MMEL1: variants seen among roughly 807,000 people sequenced by gnomAD.
MMEL1 encodes membrane metallo-endopeptidase-like 1.
In MMEL1, 98 loss-of-function variants were observed where a neutral mutation model predicts 117.1. The observed-to-expected ratio is 0.84, with a 90% CI of 0.71 to 0.99. The LOEUF (loss-of-function observed/expected upper bound fraction) is 0.99. Among genes scored for constraint, MMEL1 ranks in the 50% least tolerant of loss-of-function variants. The pLI, the probability that MMEL1 is intolerant of heterozygous loss-of-function variation, is 0.00. For synonymous variants in MMEL1, 390 were observed against 415.1 expected (o/e 0.94, Z 0.74); for missense variants, 1,014 against 1,049.1 (o/e 0.97, Z 0.46).
At chr1:2,624,107 GA>G (rs1645332735) in intron 2 of MMEL1, among the ~76,000 whole-genome samples, 1 of 152,196 alleles carries the variant, frequency 6.6e-6, no homozygotes. Flanking sequence ...GCCTAAGCCT[GA>G]GACTGGGCCA....
Position 2,607,141 on chromosome 1 carries a change from G to A in MMEL1, c.536-72C>T, listed in dbSNP as rs990375408. 2.9e-6 allele frequency: 4 copies of A among 1,396,690 alleles called. No homozygotes were observed. The Admixed American group carries it at 5.2e-5, about 18-fold the overall frequency. The allele number at this position is 1,396,690 out of a possible 1,614,324, so 86.5% of individuals were successfully genotyped here. On this transcript the variant is annotated intron_variant, in intron 6 of 23. Coordinates refer to ENST00000378412, the MANE Select transcript of MMEL1 (RefSeq NM_033467.4). The stretch of plus-strand genomic sequence containing the variant: ...CGTGCCACGACACAGAACTGTGGGG[G>A]CGCCGTTGGCCGGCGTCACAGGTCC...
At position 2,598,508 on chromosome 1, in the gene MMEL1, C is replaced by T. The variant is rs201748633; in HGVS notation, c.1178+146G>A. 4.5e-6 allele frequency: 6 copies of T among 1,340,132 alleles called. No individual in the cohort carries two copies. The East Asian group carries it at 7.3e-5, about 16-fold the overall frequency. The allele number at this position is 1,340,132 out of a possible 1,614,324, so 83.0% of individuals were successfully genotyped here. ...CATTTTTAATGTAAGACTCCACTGG[C>T]CACTAAAGCTTAACCCCTCATGTCC... On this transcript the variant is annotated intron_variant, in intron 12 of 23. Coordinates refer to ENST00000378412, the MANE Select transcript of MMEL1 (RefSeq NM_033467.4).
chr1:2,630,623 G>A (rs761600190), intron 1 of MMEL1, among the ~76,000 whole-genome samples: 1 of 150,990 alleles, frequency 6.6e-6, no homozygotes, highest in Non-Finnish European at 1.5e-5. Flanking sequence ...GTGACTGCAC[G>A]TGTGTGCCTG....
intron 21 of MMEL1, 151 bp from the exon 22 acceptor site, chr1:2,592,178 C>T (rs978252195): frequency 9.8e-5 from 64 of 650,422 alleles, no homozygotes; most frequent in Middle Eastern, 4.2e-4. Context: ...CACGGATGAG[C>T]GCTCACCACC....
rs1645281964 is a variant in MMEL1 at position 2,621,034 on chromosome 1, C to G, written c.154+8297G>C. Among the ~76,000 whole-genome samples, 2 of 152,158 alleles carry G rather than the reference C, an allele frequency of 1.3e-5. 1 individual carries two copies. The highest frequency in any genetic ancestry group is 4.1e-4 in the South Asian group (2 of 4,832). ...GCGTGATGGCTCACACCTATAATCC[C>G]AGCACTTTGGGAGGCTGAGGCAGGA... is the stretch of plus-strand genomic sequence containing the variant. On this transcript the variant is annotated intron_variant, in intron 2 of 23. Coordinates refer to ENST00000378412, the MANE Select transcript of MMEL1 (RefSeq NM_033467.4).
intron 12 of MMEL1, 79 bp downstream of exon 12, chr1:2,598,575 G>C: frequency 6.3e-7 from 1 of 1,590,454 alleles, no homozygotes. Flanking sequence ...CCCCTCCTGG[G>C]AGCAGAAGCT....
chr1:2,598,890 G>T, intron 11 of MMEL1, 100 bp from the exon 12 acceptor site: 2 of 973,802 alleles, frequency 2.1e-6, no homozygotes, highest in Non-Finnish European at 2.9e-6. Context: ...AATGTTCAAG[G>T]AATAAGAGAG....
chr1:2,610,458 T>C (rs1645107364), intron 4 of MMEL1, among the ~76,000 whole-genome samples: 1 of 152,176 alleles, frequency 6.6e-6, no homozygotes, highest in Non-Finnish European at 1.5e-5. Context: ...TGGTGCCAGC[T>C]CACAGGAGGT....
chr1:2,602,608 T>C (rs1347493094), intron 11 of MMEL1, among the ~76,000 whole-genome samples: 1 of 152,202 alleles, frequency 6.6e-6, no homozygotes, highest in Non-Finnish European at 1.5e-5. Flanking sequence ...TCACTCACTC[T>C]TACTTGTGAA....
At chr1:2,592,789 G>C in intron 20 of MMEL1, 44 bp downstream of exon 20, 1 of 1,611,908 alleles carries the variant, frequency 6.2e-7, no homozygotes, top group Non-Finnish European at 8.5e-7. Flanking sequence ...CCAGGGCTGG[G>C]GCTCCGGTAC....
At chr1:2,611,441 G>GA in intron 3 of MMEL1, 101 bp from the exon 4 acceptor site, 1 of 307,500 alleles carries the variant, frequency 3.3e-6, no homozygotes, top group Non-Finnish European at 6.1e-6. Context: ...GTGGCATGGG[G>GA]ATGGGCATAG....
chr1:2,623,746 G>C (rs763117409), intron 2 of MMEL1, among the ~76,000 whole-genome samples: 15 of 152,224 alleles, frequency 9.9e-5, no homozygotes, highest in Non-Finnish European at 1.8e-4. Context: ...AGGCTGGAGA[G>C]AGCCTCCCTT....
chr1:2,604,766 G>A (rs1198395958), intron 9 of MMEL1, among the ~76,000 whole-genome samples: 11 of 152,162 alleles, frequency 7.2e-5, no homozygotes, highest in African/African-American at 2.4e-4. Flanking sequence ...TCCTCGCGCT[G>A]GGCAGGGCTT....
At position 2,591,106 on chromosome 1, in the gene MMEL1, G is replaced by T; in HGVS notation, c.2241-17C>A. The T allele has an allele frequency of 1.3e-6, 2 of 1,534,134 alleles. No individual in the cohort carries two copies. The highest frequency in any genetic ancestry group is 1.8e-6 in the Non-Finnish European group (2 of 1,137,118). On this transcript the variant is annotated splice_polypyrimidine_tract_variant and intron_variant, in intron 23 of 23. Transcript: ENST00000378412. ...CCCAGTACCCTGTGGGTGGGTGGGT[G>T]TGACAGCAGGAGCATTGCCATCTTG...
In MMEL1 at chr1:2,595,434, G is replaced by A; in HGVS notation, c.1501-75C>T. On this transcript the variant is annotated intron_variant, in intron 15 of 23. Coordinates refer to ENST00000378412, the MANE Select transcript of MMEL1 (RefSeq NM_033467.4). This position sits in a 1 kb window ranked among gnomAD's most constrained non-coding sequence, Gnocchi z 4.8. ...TCAGCCCGGGGGCCGGTCAGTGAGT[G>A]CCACACTGTGGGAGGGGTCAGCCCG... 1 of 1,317,214 alleles carries A rather than the reference G, an allele frequency of 7.6e-7. No homozygotes were observed. Among genetic ancestry groups the A allele is most frequent in the Non-Finnish European group, 1.1e-6 (1 of 914,394 alleles). The allele number at this position is 1,317,214 out of a possible 1,614,324, so 81.6% of individuals were successfully genotyped here. A position where few individuals can be genotyped will look rare whatever the true frequency, so the allele number is the denominator to read the frequency against.
rs945841864 is a variant in MMEL1, at chr1:2,612,055, C to T, written c.232+72G>A. ...GCAGAACCCAGCCCCTGCCCCTCCA[C>T]GGAGTCCCCCCACCTTGGGAGGCCA... On this transcript the variant is annotated intron_variant, in intron 3 of 23. Coordinates refer to ENST00000378412, the MANE Select transcript of MMEL1 (RefSeq NM_033467.4). This position sits in a 1 kb window ranked among gnomAD's most constrained non-coding sequence, Gnocchi z 5.4. 1.1e-5 allele frequency: 14 copies of T among 1,329,440 alleles called. No homozygotes were observed. Among genetic ancestry groups the T allele is most frequent in the Middle Eastern group, 1.8e-4 (1 of 5,616 alleles). 82.4% of individuals were successfully genotyped at this position (1,329,440 alleles called of 1,614,324 possible). A position where few individuals can be genotyped will look rare whatever the true frequency, so the allele number is the denominator to read the frequency against.
At chr1:2,602,285 G>A (rs1386588292) in intron 11 of MMEL1, among the ~76,000 whole-genome samples, 2 of 138,824 alleles carry the variant, frequency 1.4e-5, no homozygotes, top group Non-Finnish European at 3.1e-5. Context: ...TGATCTGAGG[G>A]GTGATTGTGT....
chr1:2,609,907 G>A (rs539911984), intron 4 of MMEL1, 76 bp from the exon 5 acceptor site: 259 of 1,482,928 alleles, frequency 1.7e-4, no homozygotes, highest in South Asian at 5.2e-4. Flanking sequence ...CCTGTCTCCC[G>A]GTCCAAGACA....
rs760348798 is a variant in MMEL1 at position 2,596,612 on chromosome 1, G to A, written c.1350C>T (p.Ala450=). 6.8e-6 allele frequency: 11 copies of A among 1,612,906 alleles called. No individual in the cohort carries two copies. Among genetic ancestry groups the A allele is most frequent in the Middle Eastern group, 1.6e-4 (1 of 6,080 alleles). The change falls in exon 14 of 24, where the codon GCC becomes GCT. Residue 450 remains alanine (A), a synonymous_variant. Coordinates refer to ENST00000378412, the MANE Select transcript of MMEL1 (RefSeq NM_033467.4). The part of the protein sequence containing the change: ...VGYVNSNMEN[A]VGSLYVREAF... ...CCTCCCTGACGTAGAGGGAGCCCAC[G>A]GCGTTCTCCATGTTGCTGTTGACGT...
Sources: gnomAD v4.1 joint callset for allele counts (sites outside exome capture counted in the v4.1 genomes callset) on GRCh38, gnomAD v4.1.1 for gene constraint, Gnocchi (gnomAD v3.1) non-coding constraint, MANE v1.5 for transcripts, NCBI Gene and HGNC (gene_info 2026-07-23, HGNC 2026-07-21) for gene names.